The following C1QTNF3 variants were observed in gnomAD, a reference collection of about 807,000 sequenced individuals.
C1QTNF3 encodes the protein C1q and TNF related 3, also known as complement C1q tumor necrosis factor-related protein 3.
In C1QTNF3, 26 loss-of-function variants were observed where a neutral mutation model predicts 32.6. The ratio of observed to expected loss-of-function variants is 0.80; its 90% CI spans 0.58 to 1.11. The LOEUF is 1.11. Among genes scored for constraint, C1QTNF3 ranks in the 50% least tolerant of loss-of-function variants. The pLI, the probability that C1QTNF3 is intolerant of heterozygous loss-of-function variation, is 0.00. For synonymous variants in C1QTNF3, 155 were observed against 146.0 expected (o/e 1.06, Z -0.44); for missense variants, 362 against 398.2 (o/e 0.91, Z 0.77).
the C1QTNF3 span, among the ~76,000 whole-genome samples, chr5:34,119,551 A>G: frequency 7.2e-5 from 11 of 152,226 alleles, no homozygotes; most frequent in East Asian, 2.1e-3. Flanking sequence ...AACAACACAA[A>G]CTTATGACCT....
chr5:34,170,190 C>T, the C1QTNF3 span, among the ~76,000 whole-genome samples: 2 of 152,102 alleles, frequency 1.3e-5, no homozygotes, highest in Admixed American at 1.3e-4. Flanking sequence ...CACAAGAGGA[C>T]AAATACTACA....
At chr5:34,132,934 C>T in the C1QTNF3 span, among the ~76,000 whole-genome samples, 1 of 152,102 alleles carries the variant, frequency 6.6e-6, no homozygotes, top group African/African-American at 2.4e-5. Flanking sequence ...ATAATACTGT[C>T]ATTAACATTT....
chr5:34,146,416 A>G, the C1QTNF3 span, among the ~76,000 whole-genome samples: 1 of 152,350 alleles, frequency 6.6e-6, no homozygotes, highest in African/African-American at 2.4e-5. Flanking sequence ...AGTTCAAACT[A>G]TACTGTAAGG....
the C1QTNF3 span, among the ~76,000 whole-genome samples, chr5:34,196,060 C>A: frequency 6.6e-6 from 1 of 152,286 alleles, no homozygotes; most frequent in Admixed American, 6.5e-5. Flanking sequence ...AGGAAGCAGG[C>A]CCTCTTTAAG....
chr5:34,018,618 T>C lies in C1QTNF3; in HGVS notation c.*1965A>G, dbSNP rs1473401458. Reference sequence around the variant, plus strand: ...TTTGCATATTCCATCCTCTGAATTATTTTTTTACATTTTAATTTTGACTTC... The same window carrying C: ...TTTGCATATTCCATCCTCTGAATTACTTTTTTACATTTTAATTTTGACTTC... On this transcript the variant is annotated 3_prime_UTR_variant, in exon 6 of 6. Transcript: ENST00000382065. Among the ~76,000 whole-genome samples, 4 of 152,214 alleles carry C rather than the reference T, an allele frequency of 2.6e-5. No homozygotes were observed. Among genetic ancestry groups the C allele is most frequent in the Admixed American group, 6.5e-5 (1 of 15,284 alleles).
the C1QTNF3 span, among the ~76,000 whole-genome samples, chr5:34,077,699 A>G: frequency 6.6e-5 from 10 of 151,696 alleles, no homozygotes; most frequent in South Asian, 2.1e-4. Context: ...TCCATTTTAA[A>G]TAACTCTGAA....
the C1QTNF3 span, among the ~76,000 whole-genome samples, chr5:34,065,366 T>C: frequency 6.6e-6 from 1 of 152,044 alleles, no homozygotes. Flanking sequence ...AGAATGGCTA[T>C]TAAAAAGTCA....
At chr5:34,175,856 G>A in the C1QTNF3 span, 97 of 794,538 alleles carry the variant, frequency 1.2e-4, no homozygotes, top group East Asian at 1.7e-3. Context: ...AATTCCAGAT[G>A]AGCTCTCCAA....
upstream of C1QTNF3, among the ~76,000 whole-genome samples, chr5:34,044,306 T>C (rs1330788636): frequency 6.6e-6 from 1 of 152,248 alleles, no homozygotes; most frequent in Non-Finnish European, 1.5e-5. Context: ...TGATTTTATT[T>C]ATATTACTCA....
At chr5:34,244,474 T>C in the C1QTNF3 span, 1 of 152,380 alleles carries the variant, frequency 6.6e-6, no homozygotes, top group African/African-American at 2.4e-5. Context: ...TCCTGATGAT[T>C]GGTCCATTTC....
the C1QTNF3 span, among the ~76,000 whole-genome samples, chr5:34,081,631 ATG>A: frequency 6.6e-6 from 1 of 151,522 alleles, no homozygotes; most frequent in African/African-American, 2.4e-5. Context: ...CCAATGGTAA[ATG>A]TTTACAGAGG....
At chr5:34,058,179 C>T in the C1QTNF3 span, among the ~76,000 whole-genome samples, 28 of 152,248 alleles carry the variant, frequency 1.8e-4, 2 homozygotes, top group East Asian at 2.1e-3. Context: ...CTATTTATTT[C>T]CTCTCTGTGG....
At chr5:34,072,421 G>GA in the C1QTNF3 span, among the ~76,000 whole-genome samples, 4 of 100,518 alleles carry the variant, frequency 4.0e-5, no homozygotes, top group Middle Eastern at 5.0e-3. Flanking sequence ...AAGAAAGAAA[G>GA]AACAGAAATG....
intron 5 of C1QTNF3, 79 bp downstream of exon 5, chr5:34,023,830 T>C: frequency 1.8e-6 from 2 of 1,136,196 alleles, no homozygotes; most frequent in African/African-American, 1.5e-5. Context: ...TTGACTCCTA[T>C]ACGCTTCCCT....
At chr5:34,104,555 G>A in the C1QTNF3 span, among the ~76,000 whole-genome samples, 1 of 61,660 alleles carries the variant, frequency 1.6e-5, no homozygotes, top group South Asian at 6.3e-4. Context: ...ATTTTTTTGA[G>A]ATGGAGTTTC....
the C1QTNF3 span, among the ~76,000 whole-genome samples, chr5:34,126,307 C>G: frequency 6.6e-6 from 1 of 150,982 alleles, no homozygotes; most frequent in Admixed American, 6.6e-5. Flanking sequence ...CTTCTGCAAT[C>G]TACCTTATCA....
At chr5:34,143,886 C>G in the C1QTNF3 span, among the ~76,000 whole-genome samples, 1 of 152,158 alleles carries the variant, frequency 6.6e-6, no homozygotes, top group African/African-American at 2.4e-5. Context: ...GTCTACATCA[C>G]ACTCAGCTAA....
chr5:34,080,318 G>A, the C1QTNF3 span, among the ~76,000 whole-genome samples: 1 of 151,754 alleles, frequency 6.6e-6, no homozygotes, highest in Non-Finnish European at 1.5e-5. Flanking sequence ...GATTAGAGAT[G>A]AAAAGACAAT....
At chr5:34,215,867 A>G in the C1QTNF3 span, among the ~76,000 whole-genome samples, 22 of 152,286 alleles carry the variant, frequency 1.4e-4, no homozygotes, top group African/African-American at 5.1e-4. Context: ...TCTTTGCCCC[A>G]AGCAATCCTC....
Sources: allele counts gnomAD v4.1 joint callset (sites outside exome capture counted in the v4.1 genomes callset), GRCh38; gene constraint gnomAD v4.1.1; transcripts MANE v1.5; gene names NCBI Gene and HGNC (gene_info 2026-07-23, HGNC 2026-07-21).